The following PPP4R4 variants were observed in gnomAD, a reference collection of about 807,000 sequenced individuals.
PPP4R4 encodes protein phosphatase 4 regulatory subunit 4.
A neutral mutation model predicts 121.8 loss-of-function variants in PPP4R4; 70 were observed. The observed-to-expected ratio is 0.57, with a 90% confidence interval of 0.47 to 0.70. PPP4R4 has a LOEUF of 0.70. Among genes scored for constraint, PPP4R4 ranks in the 30% least tolerant of loss-of-function variants. The pLI, the probability that PPP4R4 is intolerant of heterozygous loss-of-function variation, is 0.00. For missense variants in PPP4R4, 875 were observed against 1,033.6 expected (o/e 0.85, Z 2.10); for synonymous variants, 348 against 355.7 (o/e 0.98, Z 0.24).
chr14:94,181,511 A>G (rs1888994251), intron 2 of PPP4R4, among the ~76,000 whole-genome samples: 1 of 152,198 alleles, frequency 6.6e-6, no homozygotes, highest in South Asian at 2.1e-4. Context: ...TTCATTTGCC[A>G]ATCTTTTGAT....
chr14:94,241,330 A>AT (rs1289661831), intron 9 of PPP4R4, among the ~76,000 whole-genome samples: 2 of 152,092 alleles, frequency 1.3e-5, no homozygotes, highest in African/African-American at 4.8e-5. Context: ...CATTCCATTG[A>AT]TTAAAAATAT....
At chr14:94,249,042 T>C (rs943703590) in intron 14 of PPP4R4, among the ~76,000 whole-genome samples, 8 of 152,048 alleles carry the variant, frequency 5.3e-5, no homozygotes, top group African/African-American at 1.9e-4. Flanking sequence ...CTTTGACTTC[T>C]GGCCCAAAAG....
At chr14:94,187,693 C>G (rs1055398596) in intron 2 of PPP4R4, among the ~76,000 whole-genome samples, 1 of 151,678 alleles carries the variant, frequency 6.6e-6, no homozygotes, top group Admixed American at 6.6e-5. Flanking sequence ...GTTGTCATGT[C>G]TCCTTAGTCT....
Position 94,174,648 on chromosome 14 carries a change from G to A in PPP4R4, c.117+66G>A, listed in dbSNP as rs951123256. 9 of 1,578,320 alleles carry A rather than the reference G, an allele frequency of 5.7e-6. No homozygotes were observed. The East Asian group carries it at 1.8e-4, about 32-fold the overall frequency. ...CGCCTGCCCCGCGCGGTCCCGCGCTGATCTCTGCCCCACGCCACCACCCTC... is the reference window on the plus strand; with the variant it reads ...CGCCTGCCCCGCGCGGTCCCGCGCTAATCTCTGCCCCACGCCACCACCCTC... On this transcript the variant is annotated intron_variant, in intron 1 of 24. Coordinates refer to ENST00000304338, the MANE Select transcript of PPP4R4 (RefSeq NM_058237.2).
intron 23 of PPP4R4, among the ~76,000 whole-genome samples, chr14:94,268,872 G>A (rs771555525): frequency 3.3e-5 from 5 of 152,122 alleles, no homozygotes; most frequent in African/African-American, 1.2e-4. Context: ...TACAGTTCAA[G>A]GTGAGATTTG....
intron 4 of PPP4R4, among the ~76,000 whole-genome samples, chr14:94,230,971 C>T (rs576916470): frequency 6.6e-6 from 1 of 152,180 alleles, no homozygotes; most frequent in Non-Finnish European, 1.5e-5. Flanking sequence ...TTTCTTGTTA[C>T]TTTTTTTCCT....
At chr14:94,203,368 A>G (rs1890293371) in intron 2 of PPP4R4, among the ~76,000 whole-genome samples, 1 of 152,170 alleles carries the variant, frequency 6.6e-6, no homozygotes, top group African/African-American at 2.4e-5. Context: ...TACACATATA[A>G]ATAGTTCTTT....
At chr14:94,195,199 T>G (rs2139414099) in intron 2 of PPP4R4, among the ~76,000 whole-genome samples, 1 of 152,316 alleles carries the variant, frequency 6.6e-6, no homozygotes, top group Admixed American at 6.5e-5. Context: ...TTGACTGTCC[T>G]TCTACCATAG....
At position 94,265,976 on chromosome 14, in the gene PPP4R4, G is replaced by A. The variant is rs775147794; in HGVS notation, c.2378+89G>A. ...ATGAGTTTACATTTTATAAAAATCAGAATTAATTTTGAGGTTTTTTTATAG... is the reference window on the plus strand; with the variant it reads ...ATGAGTTTACATTTTATAAAAATCAAAATTAATTTTGAGGTTTTTTTATAG... On this transcript the variant is annotated intron_variant, in intron 22 of 24. Coordinates refer to ENST00000304338, the MANE Select transcript of PPP4R4 (RefSeq NM_058237.2). The A allele has an allele frequency of 9.8e-5, 93 of 945,452 alleles. No homozygotes were observed. The Middle Eastern group carries it at 1.1e-3, about 11-fold the overall frequency. 58.6% of individuals were successfully genotyped at this position (945,452 alleles called of 1,614,324 possible).
At chr14:94,219,136 A>G (rs563700030) in intron 3 of PPP4R4, among the ~76,000 whole-genome samples, 1 of 144,190 alleles carries the variant, frequency 6.9e-6, no homozygotes, top group African/African-American at 2.6e-5. Flanking sequence ...CTGGAGTGCA[A>G]TGGCACGATC....
At chr14:94,209,235 AGTGTGTGT>A (rs1890616019) in intron 3 of PPP4R4, among the ~76,000 whole-genome samples, 1 of 152,056 alleles carries the variant, frequency 6.6e-6, no homozygotes, top group Admixed American at 6.6e-5. Context: ...AACAGACACC[AGTGTGTGT>A]GTCCTCCAAG....
chr14:94,194,690 T>C (rs1380193250), intron 2 of PPP4R4, among the ~76,000 whole-genome samples: 2 of 152,152 alleles, frequency 1.3e-5, no homozygotes, highest in Non-Finnish European at 2.9e-5. Context: ...CTTGAATGCC[T>C]GGGCCTGAGC....
chr14:94,205,038 T>G (rs552803728), intron 2 of PPP4R4, among the ~76,000 whole-genome samples: 16 of 152,324 alleles, frequency 1.1e-4, no homozygotes, highest in Non-Finnish European at 1.6e-4. Context: ...TCTATATATA[T>G]GAGGTATACT....
rs1192650559 is a variant in PPP4R4 at position 94,255,326 on chromosome 14, C to T, written c.1866-1134C>T. Among the ~76,000 whole-genome samples, 10 of 151,928 alleles carry T rather than the reference C, an allele frequency of 6.6e-5. No individual in the cohort carries two copies. The South Asian group carries it at 8.3e-4, about 13-fold the overall frequency. On this transcript the variant is annotated intron_variant, in intron 16 of 24. Transcript: ENST00000304338. ...AGATATTCAGAATCCGGACTGGGCG[C>T]GGTGGCTCCTGCCTGTAATCCCAGC...
intron 3 of PPP4R4, among the ~76,000 whole-genome samples, chr14:94,222,721 A>G (rs572637659): frequency 6.6e-6 from 1 of 152,094 alleles, no homozygotes; most frequent in Admixed American, 6.5e-5. Context: ...TTTACACTGT[A>G]TATCTGTAGA....
chr14:94,275,368 T>C lies in PPP4R4; in HGVS notation c.2450-6T>C. On this transcript the variant is annotated splice_polypyrimidine_tract_variant and splice_region_variant and intron_variant, in intron 23 of 24. Coordinates refer to ENST00000304338, the MANE Select transcript of PPP4R4 (RefSeq NM_058237.2). ...GTATGTCTGACTTTATATGTATTGC[T>C]TTCAGATGATTCATTCCGGACTCGT... is the stretch of plus-strand genomic sequence containing the variant. 6.2e-7 allele frequency: 1 copy of C among 1,613,816 alleles called. No individual in the cohort carries two copies. Among genetic ancestry groups the C allele is most frequent in the Non-Finnish European group, 8.5e-7 (1 of 1,179,730 alleles).
At position 94,266,977 on chromosome 14, in the gene PPP4R4, A is replaced by C; in HGVS notation, c.2397A>C (p.Gly799=). The C allele has an allele frequency of 6.3e-7, 1 of 1,590,478 alleles. No homozygotes were observed. The highest frequency in any genetic ancestry group is 8.6e-7 in the Non-Finnish European group (1 of 1,160,344). The change falls in exon 23 of 25, where the codon GGA becomes GGC. Residue 799 remains glycine, a synonymous_variant. Transcript: ENST00000304338. ...EKCASKSSTT[G]YTTSVSGLGK... ...TTTCTAGTAAAAGTTCTACAACAGG[A>C]TATACAACTTCTGTCTCAGGGTTAG...
At chr14:94,219,778 A>G (rs1891283968) in intron 3 of PPP4R4, among the ~76,000 whole-genome samples, 1 of 152,196 alleles carries the variant, frequency 6.6e-6, no homozygotes, top group East Asian at 1.9e-4. Flanking sequence ...AAAGTATATG[A>G]CAAAATCCAA....
At chr14:94,258,657 G>C in intron 17 of PPP4R4, 126 bp from the exon 18 acceptor site, 2 of 680,080 alleles carry the variant, frequency 2.9e-6, no homozygotes, top group Non-Finnish European at 5.2e-6. Context: ...TTAGTTTTCT[G>C]ACTTAGTCTT....
Sources: gnomAD v4.1 joint callset for allele counts (sites outside exome capture counted in the v4.1 genomes callset) on GRCh38, gnomAD v4.1.1 for gene constraint, MANE v1.5 for transcripts, NCBI Gene and HGNC (gene_info 2026-07-23, HGNC 2026-07-21) for gene names.